Variants in ARMH3 observed in about 807,000 individuals in gnomAD.
ARMH3 encodes armadillo-like helical domain-containing protein 3.
ARMH3 carries 60 observed loss-of-function variants against 99.1 expected under a neutral mutation model. That is an observed-to-expected ratio of 0.61 (90% CI 0.49 to 0.75). ARMH3 has a LOEUF of 0.75. Ranked by LOEUF, ARMH3 falls within the 30% of genes least tolerant of loss-of-function variation. The pLI is 0.00. For synonymous variants in ARMH3, 285 were observed against 292.8 expected (o/e 0.97, Z 0.27); for missense variants, 679 against 843.1 (o/e 0.81, Z 2.41).
intron 22 of ARMH3, among the ~76,000 whole-genome samples, chr10:101,953,997 G>A (rs1844914169): frequency 6.6e-6 from 1 of 152,130 alleles, no homozygotes; most frequent in Admixed American, 6.5e-5. Flanking sequence ...TTCAAGACCA[G>A]CCTGGGCAAC....
At chr10:102,020,369 T>C (rs2136150661) in intron 8 of ARMH3, among the ~76,000 whole-genome samples, 1 of 151,830 alleles carries the variant, frequency 6.6e-6, no homozygotes, top group African/African-American at 2.4e-5. Flanking sequence ...CTGTCTCTAC[T>C]AAAAATACAA....
intron 22 of ARMH3, among the ~76,000 whole-genome samples, chr10:101,947,770 A>G (rs543245536): frequency 8.8e-4 from 133 of 151,896 alleles, no homozygotes; most frequent in African/African-American, 2.9e-3. Flanking sequence ...ATTGCACTCC[A>G]GCCTGGGCAA....
intron 20 of ARMH3, among the ~76,000 whole-genome samples, chr10:101,972,220 C>A (rs1181612777): frequency 6.6e-6 from 1 of 152,104 alleles, no homozygotes; most frequent in Non-Finnish European, 1.5e-5. Context: ...CCTCTGGCTA[C>A]CTCCCCAATA....
At chr10:101,941,274 G>T (rs1444755253) in intron 22 of ARMH3, among the ~76,000 whole-genome samples, 1 of 152,164 alleles carries the variant, frequency 6.6e-6, no homozygotes, top group Non-Finnish European at 1.5e-5. Flanking sequence ...TGAAAGAATT[G>T]TTATATATAA....
chr10:101,974,475 A>G (rs1305221219), intron 20 of ARMH3, among the ~76,000 whole-genome samples: 1 of 152,190 alleles, frequency 6.6e-6, no homozygotes, highest in Non-Finnish European at 1.5e-5. Flanking sequence ...CCTAGTAGCA[A>G]GCAACTGCCT....
intron 24 of ARMH3, among the ~76,000 whole-genome samples, chr10:101,880,945 T>C (rs1222989263): frequency 6.6e-6 from 1 of 152,234 alleles, no homozygotes; most frequent in Non-Finnish European, 1.5e-5. Flanking sequence ...TTATTTATAA[T>C]GACTCTTAGG....
chr10:101,861,060 G>A (rs936885934), intron 24 of ARMH3, among the ~76,000 whole-genome samples: 1 of 152,204 alleles, frequency 6.6e-6, no homozygotes, highest in Non-Finnish European at 1.5e-5. Flanking sequence ...CCAGAAATGA[G>A]GGAGATGATG....
In ARMH3 at chr10:101,846,730, G is replaced by A. The variant is rs1346102120; in HGVS notation, c.*798C>T. 1 of 152,248 alleles carries A rather than the reference G, an allele frequency of 6.6e-6. No individual in the cohort carries two copies. The highest frequency in any genetic ancestry group is 1.5e-5 in the Non-Finnish European group (1 of 68,072). 9.4% of individuals were successfully genotyped at this position (152,248 alleles called of 1,614,324 possible). A position where few individuals can be genotyped will look rare whatever the true frequency, so the allele number is the denominator to read the frequency against. Reference sequence around the variant, plus strand: ...TAATCCCAGCACTTTGGGAGGCCAAGGTGGGTGGATCATGAACTCAGGATA... The same window carrying A: ...TAATCCCAGCACTTTGGGAGGCCAAAGTGGGTGGATCATGAACTCAGGATA... On this transcript the variant is annotated 3_prime_UTR_variant, in exon 26 of 26. Coordinates refer to ENST00000370033, the MANE Select transcript of ARMH3 (RefSeq NM_024541.3).
intron 6 of ARMH3, among the ~76,000 whole-genome samples, chr10:102,024,505 C>T (rs992740397): frequency 3.3e-5 from 5 of 151,856 alleles, no homozygotes; most frequent in South Asian, 4.1e-4. Context: ...ATCCTCCGGG[C>T]GCGGTGGCTC....
At chr10:101,892,330 T>C (rs1310431828) in intron 23 of ARMH3, among the ~76,000 whole-genome samples, 1 of 151,584 alleles carries the variant, frequency 6.6e-6, no homozygotes, top group Non-Finnish European at 1.5e-5. Context: ...GTGGTGGCAT[T>C]TGCCTGTAGT....
chr10:101,966,295 T>C (rs10786656), intron 20 of ARMH3, among the ~76,000 whole-genome samples: 1 of 61,126 alleles, frequency 1.6e-5, no homozygotes, highest in East Asian at 5.1e-4. Flanking sequence ...GTTTTTTTTT[T>C]TTTTTTTTTT....
chr10:101,846,191 T>TG lies in ARMH3; in HGVS notation c.*1336dup, dbSNP rs1439723920. ...TGATGCTCACCTGGCCTGTTTCAGATGGAGGGCACCCTACCCCCAGAAAGT... is the reference window on the plus strand; with the variant it reads ...TGATGCTCACCTGGCCTGTTTCAGATGGGAGGGCACCCTACCCCCAGAAAGT... On this transcript the variant is annotated 3_prime_UTR_variant, in exon 26 of 26. Coordinates refer to ENST00000370033, the MANE Select transcript of ARMH3 (RefSeq NM_024541.3). 4 of 152,392 alleles carry TG rather than the reference T, an allele frequency of 2.6e-5. No homozygotes were observed. The highest frequency in any genetic ancestry group is 6.6e-5 in the Admixed American group (1 of 15,262). 9.4% of individuals were successfully genotyped at this position (152,392 alleles called of 1,614,324 possible).
chr10:101,981,913 G>A (rs1244558726), intron 19 of ARMH3, among the ~76,000 whole-genome samples: 1 of 151,772 alleles, frequency 6.6e-6, no homozygotes, highest in Non-Finnish European at 1.5e-5. Context: ...CAGGTACTCG[G>A]GAGGCTGAGG....
chr10:101,924,078 C>T (rs1001123909), intron 23 of ARMH3, among the ~76,000 whole-genome samples: 1 of 152,026 alleles, frequency 6.6e-6, no homozygotes, highest in Non-Finnish European at 1.5e-5. Context: ...ATGTAGAAGG[C>T]GTATTTATTA....
chr10:101,934,204 G>A (rs1412750517), intron 23 of ARMH3, among the ~76,000 whole-genome samples: 1 of 152,198 alleles, frequency 6.6e-6, no homozygotes, highest in African/African-American at 2.4e-5. Context: ...CTCCCCAGCA[G>A]TGTACACTTA....
chr10:101,988,461 T>C (rs1590140595), intron 19 of ARMH3, among the ~76,000 whole-genome samples: 1 of 152,192 alleles, frequency 6.6e-6, no homozygotes, highest in South Asian at 2.1e-4. Context: ...TTAAGTGTTA[T>C]AAAAAGCAAC....
chr10:101,880,347 C>T (rs147956486), intron 24 of ARMH3, among the ~76,000 whole-genome samples: 9 of 152,286 alleles, frequency 5.9e-5, no homozygotes, highest in African/African-American at 1.9e-4. Context: ...CTCAATTACC[C>T]TATTTGAGAT....
intron 24 of ARMH3, among the ~76,000 whole-genome samples, chr10:101,863,445 T>C (rs2066918927): frequency 6.6e-6 from 1 of 152,164 alleles, no homozygotes; most frequent in Admixed American, 6.5e-5. Context: ...AACATATAGT[T>C]ACAAGTTGAA....
At position 102,029,623 on chromosome 10, in the gene ARMH3, C is replaced by CA. The variant is rs2067079634; in HGVS notation, c.414+14dup. ...AAGCTGCCATCCACAGGCACATCTGCAGCTTATGCCTCACCTTCATGCACA... is the reference window on the plus strand; with the variant it reads ...AAGCTGCCATCCACAGGCACATCTGCAAGCTTATGCCTCACCTTCATGCACA... On this transcript the variant is annotated intron_variant, in intron 5 of 25. Transcript: ENST00000370033. 6.2e-7 allele frequency: 1 copy of CA among 1,614,110 alleles called. No individual in the cohort carries two copies. The highest frequency in any genetic ancestry group is 8.5e-7 in the Non-Finnish European group (1 of 1,180,044).
Sources: gnomAD v4.1 joint callset for allele counts (sites outside exome capture counted in the v4.1 genomes callset) on GRCh38, gnomAD v4.1.1 for gene constraint, MANE v1.5 for transcripts, NCBI Gene and HGNC (gene_info 2026-07-23, HGNC 2026-07-21) for gene names.